Variants in NPC1 observed in about 807,000 individuals in gnomAD.
NPC1 encodes the protein NPC intracellular cholesterol transporter 1, also known as Niemann-Pick C1 protein.
NPC1 carries 85 observed loss-of-function variants against 140.4 expected under a neutral mutation model. The ratio of observed to expected loss-of-function variants is 0.61; its 90% CI spans 0.51 to 0.72. NPC1 has a LOEUF of 0.72. NPC1 is among the 30% of genes least tolerant of loss of function. NPC1 has a pLI of 0.00. For synonymous variants in NPC1, 656 were observed against 624.8 expected (o/e 1.05, Z -0.74); for missense variants, 1,504 against 1,623.8 (o/e 0.93, Z 1.27).
At chr18:23,572,021 C>CCAG in intron 3 of NPC1, 53 bp downstream of exon 3, 1 of 1,069,144 alleles carries the variant, frequency 9.4e-7, no homozygotes, top group Non-Finnish European at 1.5e-6. Flanking sequence ...CTGAGCATTA[C>CCAG]CAGTTCACAA....
In NPC1 at chr18:23,513,356, A is replaced by C. The variant is rs528568457; in HGVS notation, c.432-6714T>G. On this transcript the variant is annotated intron_variant, in intron 3 of 3. Coordinates refer to the NPC1 transcript ENST00000591107. ...ACCATAATTTCCTACAGGTTCCCCCATGCCATAGCATGTGATAGGGTTTCC... is the reference window on the plus strand; with the variant it reads ...ACCATAATTTCCTACAGGTTCCCCCCTGCCATAGCATGTGATAGGGTTTCC... Among the ~76,000 whole-genome samples, 54 of 152,370 alleles carry C rather than the reference A, an allele frequency of 3.5e-4. No homozygotes were observed. The South Asian group carries it at 8.7e-3, about 25-fold the overall frequency.
chr18:23,543,516 T>G lies in NPC1; in HGVS notation c.2184A>C (p.Leu728=), dbSNP rs1396587033. The G allele has an allele frequency of 4.3e-6, 7 of 1,611,728 alleles. No individual in the cohort carries two copies. Among genetic ancestry groups the G allele is most frequent in the Non-Finnish European group, 5.1e-6 (6 of 1,179,240 alleles). ...ETLDQQLGRV[L]GEVAPSMFLS... is the part of the protein sequence containing the mutation. The stretch of plus-strand genomic sequence containing the variant: ...GGAACATACTGGGAGCCACTTCTCC[T>G]AGGACCCTGCCCAGCTGCTGATCCA... The change falls in exon 14 of 25, where the codon CTA becomes CTC. Residue 728 remains leucine, a synonymous_variant. Coordinates refer to ENST00000269228, the MANE Select transcript of NPC1 (RefSeq NM_000271.5).
chr18:23,529,567 TAG>T (rs1317803079), downstream of NPC1: 30 of 1,410,794 alleles, frequency 2.1e-5, no homozygotes, highest in Admixed American at 1.0e-4. Flanking sequence ...GGGGGTTGGA[TAG>T]AGAGTTATAT....
At position 23,531,554 on chromosome 18, in the gene NPC1, C is replaced by A; in HGVS notation, c.*648G>T. On this transcript the variant is annotated 3_prime_UTR_variant, in exon 25 of 25. Transcript: ENST00000269228. ...AATAAGTTAAAACCCAGTAGACACACCTACGAGATGCTTTCTTTGTCCCTC... is the reference window on the plus strand; with the variant it reads ...AATAAGTTAAAACCCAGTAGACACAACTACGAGATGCTTTCTTTGTCCCTC... The A allele has an allele frequency of 6.3e-7, 1 of 1,581,606 alleles. No homozygotes were observed. The highest frequency in any genetic ancestry group is 1.2e-5 in the South Asian group (1 of 85,498).
At chr18:23,583,035 G>A (rs927748238) in intron 1 of NPC1, among the ~76,000 whole-genome samples, 23 of 150,958 alleles carry the variant, frequency 1.5e-4, no homozygotes, top group Admixed American at 1.3e-3. Flanking sequence ...CTTGAGCCCA[G>A]GGTCAACACT....
rs1415534900 is a variant in NPC1 at position 23,531,509 on chromosome 18, A to G, written c.*693T>C. 9 of 1,497,784 alleles carry G rather than the reference A, an allele frequency of 6.0e-6. No individual in the cohort carries two copies. The highest frequency in any genetic ancestry group is 8.0e-6 in the Non-Finnish European group (9 of 1,131,334). The allele number at this position is 1,497,784 out of a possible 1,614,324, so 92.8% of individuals were successfully genotyped here. ...GGGTAACCCCAAAACTTAGGAAAAC[A>G]ATGTATTTTATTAAAGAAAAATAAG... On this transcript the variant is annotated 3_prime_UTR_variant, in exon 25 of 25. Coordinates refer to ENST00000269228, the MANE Select transcript of NPC1 (RefSeq NM_000271.5).
At chr18:23,524,387 G>C (rs754543959), downstream of NPC1, 39 of 1,609,348 alleles carry the variant, frequency 2.4e-5, no homozygotes, top group Non-Finnish European at 3.1e-5. Context: ...TTTGCTTTTT[G>C]TTTTCATCTT....
downstream of NPC1, chr18:23,530,356 A>G: frequency 5.6e-6 from 9 of 1,613,898 alleles, no homozygotes; most frequent in Non-Finnish European, 7.6e-6. Flanking sequence ...TGTTGTTTGC[A>G]CTGACCTGGA....
At chr18:23,520,356 A>C, downstream of NPC1, 1 of 1,473,308 alleles carries the variant, frequency 6.8e-7, no homozygotes, top group Non-Finnish European at 9.5e-7. Flanking sequence ...CCCTTTCACC[A>C]TGTGGCTGTG....
chr18:23,586,219 G>A, intron 1 of NPC1, 68 bp downstream of exon 1: 3 of 1,500,876 alleles, frequency 2.0e-6, no homozygotes, highest in East Asian at 5.0e-5. Context: ...CGCTGGGCCC[G>A]TCGCCTTCCC....
At chr18:23,517,736 T>C (rs73390286), downstream of NPC1, among the ~76,000 whole-genome samples, 4,124 of 152,106 alleles carry the variant, frequency 0.027, 152 homozygotes, top group African/African-American at 0.095. Flanking sequence ...TTAAATTTTT[T>C]TTGGAGAGTG....
chr18:23,571,768 A>G (rs2059207797), intron 3 of NPC1, among the ~76,000 whole-genome samples: 1 of 151,998 alleles, frequency 6.6e-6, no homozygotes, highest in Admixed American at 6.6e-5. Flanking sequence ...GAGCCTAGGA[A>G]GTTTAAGCTG....
intron 1 of NPC1, among the ~76,000 whole-genome samples, chr18:23,584,461 C>T (rs571515021): frequency 6.6e-6 from 1 of 152,250 alleles, no homozygotes; most frequent in South Asian, 2.1e-4. Flanking sequence ...GGCATTTTTG[C>T]AAGAGACTTA....
chr18:23,541,478 G>C (rs1028220451), intron 14 of NPC1, 45 bp from the exon 15 acceptor site: 2 of 1,613,506 alleles, frequency 1.2e-6, no homozygotes, highest in African/African-American at 2.7e-5. Context: ...TTTACAGCCG[G>C]GGGCTCTCTG....
At chr18:23,577,951 A>G (rs1237389555) in intron 1 of NPC1, among the ~76,000 whole-genome samples, 1 of 152,128 alleles carries the variant, frequency 6.6e-6, no homozygotes, top group Non-Finnish European at 1.5e-5. Context: ...GCCCACGCCC[A>G]CCCGGAACTC....
chr18:23,584,267 C>A (rs1056567833), intron 1 of NPC1, among the ~76,000 whole-genome samples: 1 of 152,212 alleles, frequency 6.6e-6, no homozygotes, highest in Non-Finnish European at 1.5e-5. Context: ...CAGACTGAAG[C>A]TAATGAGCTG....
chr18:23,538,080 T>A (rs1049207023), intron 20 of NPC1, among the ~76,000 whole-genome samples: 10 of 152,132 alleles, frequency 6.6e-5, no homozygotes, highest in African/African-American at 2.2e-4. Context: ...AGATAGCCCA[T>A]AACCCTATAC....
chr18:23,543,682 G>A, intron 13 of NPC1, 113 bp from the exon 14 acceptor site: 1 of 698,276 alleles, frequency 1.4e-6, no homozygotes, highest in East Asian at 2.7e-5. Context: ...TAGACGATTA[G>A]CAGTGTCTTC....
intron 1 of NPC1, chr18:23,581,895 T>A (rs894872697): frequency 1.3e-5 from 2 of 152,232 alleles, no homozygotes; most frequent in Non-Finnish European, 2.9e-5. Flanking sequence ...CATTTTTTTA[T>A]GTATCCAGCC....
Sources: gnomAD v4.1 joint callset for allele counts (sites outside exome capture counted in the v4.1 genomes callset) on GRCh38, gnomAD v4.1.1 for gene constraint, MANE v1.5 for transcripts, NCBI Gene and HGNC (gene_info 2026-07-23, HGNC 2026-07-21) for gene names.